POLN: variants seen among roughly 807,000 people sequenced by gnomAD.
The protein encoded by POLN is DNA polymerase N.
A neutral mutation model predicts 113.5 loss-of-function variants in POLN; 108 were observed. The observed-to-expected ratio is 0.95, with a 90% confidence interval of 0.81 to 1.12. The LOEUF (loss-of-function observed/expected upper bound fraction) is 1.12, where lower values mean the gene tolerates loss of function less well. POLN is among the 50% of genes most tolerant of loss of function. POLN has a pLI of 0.00. For missense variants in POLN, 1,097 were observed against 1,077.1 expected, an observed-to-expected ratio of 1.02 and a Z score of -0.26; for synonymous variants, 386 against 391.5, an observed-to-expected ratio of 0.99 and a Z score of 0.17.
At chr4:2,236,545 G>A in intron 2 of POLN, 2 of 856,324 alleles carry the variant, frequency 2.3e-6, no homozygotes, top group Non-Finnish European at 3.7e-6. Flanking sequence ...GGCATTTGTG[G>A]GGATAGCTAA....
At chr4:2,131,325 A>G in intron 16 of POLN, 35 bp from the exon 17 acceptor site, 1 of 1,385,178 alleles carries the variant, frequency 7.2e-7, no homozygotes, top group Non-Finnish European at 1.0e-6. Flanking sequence ...TAGTTAAAAT[A>G]TCTACTCTTA....
At chr4:2,139,953 A>G (rs2108730595) in intron 16 of POLN, 1 of 152,362 alleles carries the variant, frequency 6.6e-6, no homozygotes, top group East Asian at 1.9e-4. Context: ...ACTCTCCAGG[A>G]AATAACAACT....
intron 7 of POLN, among the ~76,000 whole-genome samples, chr4:2,191,834 G>A (rs1413729886): frequency 6.6e-6 from 1 of 152,058 alleles, no homozygotes; most frequent in Non-Finnish European, 1.5e-5. Flanking sequence ...GAGTTATAGA[G>A]CAAAAGATTG....
chr4:2,225,926 G>T (rs1734375503), intron 3 of POLN, among the ~76,000 whole-genome samples: 1 of 151,908 alleles, frequency 6.6e-6, no homozygotes, highest in Non-Finnish European at 1.5e-5. Flanking sequence ...GCTTGAACCT[G>T]GGAGGTTCAG....
At chr4:2,117,206 GT>G (rs1731338719) in intron 19 of POLN, among the ~76,000 whole-genome samples, 1 of 152,190 alleles carries the variant, frequency 6.6e-6, no homozygotes, top group Non-Finnish European at 1.5e-5. Flanking sequence ...TGGCTCTTAA[GT>G]TTTCTATCCA....
intron 20 of POLN, chr4:2,090,632 C>T (rs1372088129): frequency 1.3e-5 from 5 of 394,200 alleles, no homozygotes; most frequent in Non-Finnish European, 2.4e-5. Context: ...GTGGAGAGGG[C>T]GTTTGCTACA....
In POLN at chr4:2,183,828, AAT is replaced by A. The variant is rs571451270; in HGVS notation, c.1022-4365_1022-4364del. ...ATTTTATGGTATGAAATTATATCTT[AAT>A]AAAACCGCTATTTTTTAAAGCTATA... On this transcript the variant is annotated intron_variant, in intron 7 of 25. Coordinates refer to ENST00000511885, the MANE Select transcript of POLN (RefSeq NM_181808.4). Among the ~76,000 whole-genome samples the A allele has an allele frequency of 2.0e-3, 304 of 152,270 alleles. 2 individuals carry two copies. Among genetic ancestry groups the A allele is most frequent in the African/African-American group, 6.0e-3 (251 of 41,566 alleles).
intron 21 of POLN, among the ~76,000 whole-genome samples, chr4:2,084,624 C>A (rs1016655837): frequency 1.3e-5 from 2 of 152,224 alleles, no homozygotes; most frequent in South Asian, 4.1e-4. Flanking sequence ...CTGGAGCTCT[C>A]GGGGCTTGGG....
At chr4:2,158,248 G>A (rs928306496) in intron 14 of POLN, among the ~76,000 whole-genome samples, 33 of 152,154 alleles carry the variant, frequency 2.2e-4, no homozygotes, top group Middle Eastern at 3.4e-3. Flanking sequence ...CACCATGCCC[G>A]GCCTAAGTCT....
chr4:2,077,927 G>A (rs1730313988), intron 23 of POLN, among the ~76,000 whole-genome samples: 1 of 152,218 alleles, frequency 6.6e-6, no homozygotes, highest in Admixed American at 6.5e-5. Context: ...GACCTCTGGT[G>A]CAACTTCTCA....
chr4:2,239,364 T>C (rs1034491613), intron 2 of POLN, among the ~76,000 whole-genome samples: 1 of 152,210 alleles, frequency 6.6e-6, no homozygotes, highest in Non-Finnish European at 1.5e-5. Context: ...GTTACTAGTT[T>C]TTCTTAAGTT....
Position 2,169,582 on chromosome 4 carries a change from C to T in POLN, c.1554+1097G>A, listed in dbSNP as rs889960601. ...ACACAGACACATGGACACACACACACGCACACACACTGAAGCCTTACAAGA... is the reference window on the plus strand; with the variant it reads ...ACACAGACACATGGACACACACACATGCACACACACTGAAGCCTTACAAGA... On this transcript the variant is annotated intron_variant, in intron 13 of 25. Transcript: ENST00000511885. Among the ~76,000 whole-genome samples, 6 of 152,168 alleles carry T rather than the reference C, an allele frequency of 3.9e-5. No individual in the cohort carries two copies. In the East Asian group the frequency reaches 5.8e-4, roughly 15 times the overall value.
Position 2,198,589 on chromosome 4 carries a change from G to C in POLN, c.843C>G (p.Ile281Met). 6.2e-7 allele frequency: 1 copy of C among 1,613,832 alleles called. No individual in the cohort carries two copies. Among genetic ancestry groups the C allele is most frequent in the Non-Finnish European group, 8.5e-7 (1 of 1,179,944 alleles). ...TAGCAGAGTGCTCTATTTGAATGTA[G>C]ATGCATGGATCATCTGACACAAAGC... ...LEGFVSDDPC[I>M]YIQIEHSAIW... Residue 281 changes from isoleucine (I) to methionine (M), a missense_variant, in exon 6 of 26, where the codon ATC (isoleucine) becomes ATG (methionine). Transcript: ENST00000511885.
chr4:2,175,356 C>T (rs1732969847), intron 9 of POLN, among the ~76,000 whole-genome samples: 2 of 152,126 alleles, frequency 1.3e-5, no homozygotes, highest in Admixed American at 6.5e-5. Context: ...ATAGGCCAAG[C>T]CCCATCCTCA....
intron 20 of POLN, chr4:2,089,011 A>G: frequency 1.1e-6 from 1 of 876,670 alleles, no homozygotes; most frequent in Non-Finnish European, 1.9e-6. Flanking sequence ...TTTTCTCATT[A>G]TCCTTAGCAA....
intron 20 of POLN, among the ~76,000 whole-genome samples, chr4:2,091,421 G>C (rs1034667763): frequency 7.2e-5 from 11 of 152,122 alleles, no homozygotes; most frequent in African/African-American, 1.4e-4. Context: ...GATGGAGCCT[G>C]AGGGTCTGGG....
rs990548589 is a variant in POLN, at chr4:2,127,809, C to T, written c.1982+304G>A. 3.3e-5 allele frequency among the ~76,000 whole-genome samples: 5 copies of T among 152,240 alleles called. No homozygotes were observed. The highest frequency in any genetic ancestry group is 2.1e-4 in the South Asian group (1 of 4,836). ...GAGGGCAGTGGCTCACAGCCAGCACCGCGGGCTCGCTCTTTCCGTGGTGCT... is the reference window on the plus strand; with the variant it reads ...GAGGGCAGTGGCTCACAGCCAGCACTGCGGGCTCGCTCTTTCCGTGGTGCT... On this transcript the variant is annotated intron_variant, in intron 19 of 25. Coordinates refer to ENST00000511885, the MANE Select transcript of POLN (RefSeq NM_181808.4). The surrounding 1 kb of genome is among the most constrained non-coding windows in gnomAD (Gnocchi z 4.7).
intron 13 of POLN, among the ~76,000 whole-genome samples, chr4:2,165,740 C>T (rs372542172): frequency 7.2e-5 from 11 of 152,132 alleles, no homozygotes; most frequent in African/African-American, 2.4e-4. Flanking sequence ...ACTCTCTGTA[C>T]TTTCTGCTCA....
chr4:2,156,251 A>G (rs1732421052), intron 16 of POLN: 1 of 343,818 alleles, frequency 2.9e-6, no homozygotes, highest in African/African-American at 2.1e-5. Flanking sequence ...TTCTGTATCT[A>G]AGGAATTTTC....
Sources: gnomAD v4.1 joint callset for allele counts (sites outside exome capture counted in the v4.1 genomes callset) on GRCh38, gnomAD v4.1.1 for gene constraint, Gnocchi (gnomAD v3.1) non-coding constraint, MANE v1.5 for transcripts, NCBI Gene and HGNC (gene_info 2026-07-23, HGNC 2026-07-21) for gene names.